Variants in DLG2 observed in about 807,000 individuals in gnomAD.
DLG2 encodes the protein discs large MAGUK scaffold protein 2.
Under a neutral mutation model 132.5 loss-of-function variants are expected in DLG2, and 45 were observed. The ratio of observed to expected loss-of-function variants is 0.34; its 90% CI spans 0.27 to 0.44. The LOEUF (loss-of-function observed/expected upper bound fraction) is 0.44. Ranked by LOEUF, DLG2 falls within the 20% of genes least tolerant of loss-of-function variation. The probability of loss-of-function intolerance (pLI) is 1.00; values close to 1 mark genes in which losing one functional copy is unlikely to be tolerated. For synonymous variants in DLG2, 424 were observed against 419.6 expected, an observed-to-expected ratio of 1.01 and a Z score of -0.13; for missense variants, 1,045 against 1,196.9, an observed-to-expected ratio of 0.87 and a Z score of 1.87.
At chr11:84,619,590 C>A (rs1849453490) in intron 6 of DLG2, among the ~76,000 whole-genome samples, 1 of 150,900 alleles carries the variant, frequency 6.6e-6, no homozygotes, top group Admixed American at 6.6e-5. Context: ...ACTAGCACAC[C>A]CCAATCAATA....
At chr11:85,188,278 C>A (rs982619407) in intron 4 of DLG2, among the ~76,000 whole-genome samples, 8 of 152,162 alleles carry the variant, frequency 5.3e-5, no homozygotes, top group African/African-American at 1.9e-4. Flanking sequence ...AGGGGTGACC[C>A]ATAGAAAGCC....
intron 3 of DLG2, among the ~76,000 whole-genome samples, chr11:85,322,489 T>C (rs1277521667): frequency 6.6e-6 from 1 of 152,154 alleles, no homozygotes; most frequent in East Asian, 1.9e-4. Flanking sequence ...ATTATCAACC[T>C]CAGATTAGTG....
At chr11:84,617,758 C>G (rs2154540178) in intron 6 of DLG2, among the ~76,000 whole-genome samples, 1 of 152,172 alleles carries the variant, frequency 6.6e-6, no homozygotes, top group South Asian at 2.1e-4. Context: ...GTGAGCACTA[C>G]TAATGGGTAC....
chr11:84,304,601 GCCATT>G (rs2098194625), intron 7 of DLG2, among the ~76,000 whole-genome samples: 3 of 152,106 alleles, frequency 2.0e-5, no homozygotes, highest in African/African-American at 7.2e-5. Flanking sequence ...ATTCAACTCT[GCCATT>G]GCAGCACAAA....
chr11:85,606,471 G>A (rs1260737615), intron 2 of DLG2, among the ~76,000 whole-genome samples: 6 of 152,066 alleles, frequency 3.9e-5, no homozygotes, highest in African/African-American at 1.4e-4. Context: ...TGGTAAAAAC[G>A]GATCAATCAG....
intron 7 of DLG2, among the ~76,000 whole-genome samples, chr11:84,500,131 GAAAAT>G (rs761175551): frequency 6.6e-6 from 1 of 152,084 alleles, no homozygotes; most frequent in African/African-American, 2.4e-5. Context: ...TTGTGATAAA[GAAAAT>G]AAAATAAACA....
At chr11:83,682,989 C>T (rs1363107616) in intron 18 of DLG2, among the ~76,000 whole-genome samples, 3 of 152,054 alleles carry the variant, frequency 2.0e-5, no homozygotes, top group African/African-American at 7.2e-5. Flanking sequence ...CAGTGCCTTT[C>T]TATTCTACCA....
At chr11:85,173,513 C>T (rs1052992256) in intron 4 of DLG2, among the ~76,000 whole-genome samples, 1 of 152,120 alleles carries the variant, frequency 6.6e-6, no homozygotes, top group Non-Finnish European at 1.5e-5. Flanking sequence ...CCAGCAACAA[C>T]TACAAAAACA....
chr11:83,766,747 T>C lies in DLG2; in HGVS notation c.1825+19943A>G, dbSNP rs991276060. Among the ~76,000 whole-genome samples the C allele has an allele frequency of 5.3e-5, 8 of 152,314 alleles. 1 individual carries two copies. The South Asian group carries it at 6.2e-4, about 12-fold the overall frequency. ...AACTTGATTCTCTCATCATCTTTTA[T>C]GGTTTCTTAACATTCTTATTTACCA... On this transcript the variant is annotated intron_variant, in intron 18 of 27. Transcript: ENST00000376104.
intron 3 of DLG2, among the ~76,000 whole-genome samples, chr11:85,328,647 G>A (rs2081533891): frequency 6.8e-6 from 1 of 146,160 alleles, no homozygotes; most frequent in Non-Finnish European, 1.5e-5. Context: ...AGCTATCTAT[G>A]ACAAACCCAC....
intron 7 of DLG2, among the ~76,000 whole-genome samples, chr11:84,415,420 C>A (rs559044282): frequency 2.0e-5 from 3 of 152,202 alleles, no homozygotes; most frequent in African/African-American, 7.2e-5. Context: ...ATGTACAAAG[C>A]ACTAATATAG....
At position 83,503,237 on chromosome 11, in the gene DLG2, C is replaced by A. The variant is rs1463158710; in HGVS notation, c.2194-19009G>T. The stretch of plus-strand genomic sequence containing the variant: ...ATTATTCACCAAGTAGAATAGGGAG[C>A]AAGATAGGGAGGTTATTCTACCAGC... On this transcript the variant is annotated intron_variant, in intron 21 of 27. Transcript: ENST00000376104. Among the ~76,000 whole-genome samples, 4 of 150,410 alleles carry A rather than the reference C, an allele frequency of 2.7e-5. No homozygotes were observed. In the East Asian group the frequency reaches 7.9e-4, roughly 30 times the overall value.
chr11:84,942,954 C>T (rs373615771), intron 6 of DLG2, among the ~76,000 whole-genome samples: 6 of 152,128 alleles, frequency 3.9e-5, no homozygotes, highest in African/African-American at 1.4e-4. Flanking sequence ...CTGACTTGAC[C>T]CCTTATCATT....
chr11:85,164,830 C>T (rs566153739), intron 4 of DLG2, among the ~76,000 whole-genome samples: 2 of 152,248 alleles, frequency 1.3e-5, no homozygotes, highest in Admixed American at 1.3e-4. Context: ...CCTATTTCTG[C>T]CTGAATGAAA....
chr11:83,657,705 AT>A (rs903080686), intron 18 of DLG2, among the ~76,000 whole-genome samples: 16 of 151,138 alleles, frequency 1.1e-4, no homozygotes, highest in Non-Finnish European at 1.5e-4. Flanking sequence ...TGCCTGGCTA[AT>A]TTTTTTTGTA....
At chr11:85,430,423 A>T (rs1050280277) in intron 3 of DLG2, among the ~76,000 whole-genome samples, 11 of 152,176 alleles carry the variant, frequency 7.2e-5, no homozygotes, top group African/African-American at 2.7e-4. Flanking sequence ...TTATTAAAAT[A>T]AAAAATTAGG....
At chr11:83,646,357 C>CAGAGAGAGAG (rs1555286926) in intron 18 of DLG2, among the ~76,000 whole-genome samples, 6 of 126,222 alleles carry the variant, frequency 4.8e-5, no homozygotes, top group African/African-American at 1.6e-4. Context: ...AGATATGAAA[C>CAGAGAGAGAG]AGAGAGAGAG....
At chr11:84,142,398 A>G (rs970823932) in intron 9 of DLG2, among the ~76,000 whole-genome samples, 3 of 151,762 alleles carry the variant, frequency 2.0e-5, no homozygotes, top group South Asian at 4.2e-4. Context: ...TGTCATTGCC[A>G]GAGATAAATT....
chr11:83,628,230 T>G (rs190696738), intron 19 of DLG2, among the ~76,000 whole-genome samples: 261 of 152,320 alleles, frequency 1.7e-3, no homozygotes, highest in Non-Finnish European at 2.8e-3. Flanking sequence ...TAGATCCCAT[T>G]TGTCAATTGT....
Sources: gnomAD v4.1 joint callset for allele counts (sites outside exome capture counted in the v4.1 genomes callset) on GRCh38, gnomAD v4.1.1 for gene constraint, MANE v1.5 for transcripts, NCBI Gene and HGNC (gene_info 2026-07-23, HGNC 2026-07-21) for gene names.